Variants in SLC39A11 observed in about 807,000 individuals in gnomAD.
SLC39A11 encodes the protein solute carrier family 39 member 11.
A neutral mutation model predicts 36.1 loss-of-function variants in SLC39A11; 33 were observed. The ratio of observed to expected loss-of-function variants is 0.91; its 90% confidence interval spans 0.69 to 1.22. The LOEUF (loss-of-function observed/expected upper bound fraction) is 1.22. SLC39A11 is among the 50% of genes most tolerant of loss of function. SLC39A11 has a pLI of 0.00. For synonymous variants in SLC39A11, 166 were observed against 170.3 expected (o/e 0.97, Z 0.20); for missense variants, 432 against 430.3 (o/e 1.00, Z -0.03).
intron 5 of SLC39A11, among the ~76,000 whole-genome samples, chr17:72,920,777 C>T (rs1327889493): frequency 1.3e-5 from 2 of 148,276 alleles, no homozygotes; most frequent in Non-Finnish European, 3.0e-5. Flanking sequence ...CCCTCTACAA[C>T]ACCTACACCC....
intron 7 of SLC39A11, among the ~76,000 whole-genome samples, chr17:72,686,031 TAA>T (rs563539019): frequency 1.4e-5 from 2 of 145,092 alleles, no homozygotes; most frequent in Admixed American, 6.9e-5. Flanking sequence ...GACTCTGTCT[TAA>T]AAAAAAAAAA....
chr17:73,026,370 C>G (rs750032597), intron 4 of SLC39A11, among the ~76,000 whole-genome samples: 7 of 151,640 alleles, frequency 4.6e-5, no homozygotes, highest in Non-Finnish European at 7.4e-5. Context: ...ACAAAATTAG[C>G]CAGGCATGGT....
intron 6 of SLC39A11, among the ~76,000 whole-genome samples, chr17:72,766,275 G>A (rs1380102606): frequency 6.6e-6 from 1 of 152,134 alleles, no homozygotes; most frequent in Non-Finnish European, 1.5e-5. Flanking sequence ...TTGTTAAGTT[G>A]CGCTATGGGT....
chr17:72,779,894 G>C (rs922051865), intron 6 of SLC39A11, among the ~76,000 whole-genome samples: 1 of 152,058 alleles, frequency 6.6e-6, no homozygotes, highest in African/African-American at 2.4e-5. Flanking sequence ...TTTTCAATAG[G>C]GCAAGGAGTC....
chr17:73,023,782 C>T (rs1008016999), intron 4 of SLC39A11, among the ~76,000 whole-genome samples: 1 of 152,196 alleles, frequency 6.6e-6, no homozygotes, highest in African/African-American at 2.4e-5. Flanking sequence ...AGCCACCACA[C>T]CCGGTCCCAA....
intron 5 of SLC39A11, among the ~76,000 whole-genome samples, chr17:72,898,960 T>A (rs919246140): frequency 5.9e-5 from 9 of 152,168 alleles, no homozygotes; most frequent in African/African-American, 2.2e-4. Context: ...CAGCCTGAAG[T>A]GGGTGCCAAG....
chr17:72,714,778 G>A (rs2073275132), intron 7 of SLC39A11, among the ~76,000 whole-genome samples: 1 of 152,204 alleles, frequency 6.6e-6, no homozygotes, highest in African/African-American at 2.4e-5. Flanking sequence ...GGATGACATG[G>A]TCTGCAGCTG....
chr17:73,021,875 C>G (rs944020293), intron 4 of SLC39A11, among the ~76,000 whole-genome samples: 3 of 152,246 alleles, frequency 2.0e-5, no homozygotes, highest in African/African-American at 7.2e-5. Context: ...CTCCCCACCA[C>G]TCTTAGACCA....
chr17:72,851,133 CCA>C (rs1306891918), intron 5 of SLC39A11, among the ~76,000 whole-genome samples: 1 of 152,066 alleles, frequency 6.6e-6, no homozygotes, highest in Non-Finnish European at 1.5e-5. Context: ...AGCCCACGTG[CCA>C]CAGACATTCA....
chr17:72,711,263 G>A (rs1370869411), intron 7 of SLC39A11, among the ~76,000 whole-genome samples: 1 of 152,190 alleles, frequency 6.6e-6, no homozygotes, highest in Non-Finnish European at 1.5e-5. Context: ...AGCCTCCCTT[G>A]CAGCTAGGTG....
intron 5 of SLC39A11, among the ~76,000 whole-genome samples, chr17:72,910,532 G>A (rs570311257): frequency 4.2e-4 from 61 of 146,228 alleles, no homozygotes; most frequent in Middle Eastern, 3.8e-3. Context: ...GCTGAGGTGC[G>A]AGAATCGCTT....
At chr17:72,815,117 T>C (rs948954094) in intron 6 of SLC39A11, among the ~76,000 whole-genome samples, 2 of 152,172 alleles carry the variant, frequency 1.3e-5, no homozygotes, top group African/African-American at 4.8e-5. Context: ...CTCAAGGAGA[T>C]GCTGAAGTTC....
chr17:72,655,520 G>A (rs1229493812), intron 7 of SLC39A11, among the ~76,000 whole-genome samples: 1 of 152,232 alleles, frequency 6.6e-6, no homozygotes, highest in Non-Finnish European at 1.5e-5. Context: ...GAGTGTGCGA[G>A]GGCGTTGAGA....
intron 6 of SLC39A11, chr17:72,823,676 T>C (rs1271917651): frequency 6.6e-6 from 1 of 151,350 alleles, no homozygotes; most frequent in Non-Finnish European, 1.5e-5. Context: ...CATTGCTCAA[T>C]AATCCCAAAT....
chr17:72,668,759 A>G (rs1319173074), intron 7 of SLC39A11, among the ~76,000 whole-genome samples: 1 of 152,188 alleles, frequency 6.6e-6, no homozygotes, highest in Non-Finnish European at 1.5e-5. Flanking sequence ...TTCAGAGCCC[A>G]TCAACTCAGA....
intron 3 of SLC39A11, among the ~76,000 whole-genome samples, chr17:73,081,660 C>CATATAT (rs1568242755): frequency 2.4e-5 from 2 of 81,642 alleles, no homozygotes; most frequent in Non-Finnish European, 4.7e-5. Flanking sequence ...CACACACACA[C>CATATAT]ACACACACAC....
At chr17:72,796,660 G>A (rs4793311) in intron 6 of SLC39A11, among the ~76,000 whole-genome samples, 86,029 of 151,950 alleles carry the variant, frequency 0.57, 26,396 homozygotes, top group Non-Finnish European at 0.7. Context: ...GAGGGGGCAC[G>A]CTGTGCCCAG....
chr17:72,965,141 TA>T (rs1454260042), intron 4 of SLC39A11, among the ~76,000 whole-genome samples: 1 of 152,096 alleles, frequency 6.6e-6, no homozygotes, highest in Non-Finnish European at 1.5e-5. Flanking sequence ...GAGATATACC[TA>T]ATGTTAAGTG....
At chr17:72,805,476 C>T (rs1196400161) in intron 6 of SLC39A11, among the ~76,000 whole-genome samples, 1 of 152,230 alleles carries the variant, frequency 6.6e-6, no homozygotes, top group Non-Finnish European at 1.5e-5. Context: ...GCATGTGGAA[C>T]TGGCCACCTA....
Sources: allele counts gnomAD v4.1 joint callset (sites outside exome capture counted in the v4.1 genomes callset), GRCh38; gene constraint gnomAD v4.1.1; transcripts MANE v1.5; gene names NCBI Gene and HGNC (gene_info 2026-07-23, HGNC 2026-07-21).